Variants in KSR2 observed in about 807,000 individuals in gnomAD.
The protein encoded by KSR2 is kinase suppressor of ras 2.
In KSR2, 25 loss-of-function variants were observed where a neutral mutation model predicts 107.8. The ratio of observed to expected loss-of-function variants is 0.23; its 90% CI spans 0.17 to 0.32. The LOEUF (loss-of-function observed/expected upper bound fraction) is 0.32. Ranked by LOEUF, KSR2 falls within the 10% of genes least tolerant of loss-of-function variation. KSR2 has a pLI of 1.00. For synonymous variants in KSR2, 480 were observed against 507.0 expected (o/e 0.95, Z 0.71); for missense variants, 887 against 1,268.9 (o/e 0.70, Z 4.57).
intron 1 of KSR2, 99 bp downstream of exon 1, chr12:117,967,977 G>C: frequency 9.0e-7 from 1 of 1,115,970 alleles, no homozygotes; most frequent in Non-Finnish European, 1.3e-6. Context: ...CCAATAAACA[G>C]AATCAGAGGG....
chr12:117,539,660 T>A, intron 10 of KSR2, 59 bp downstream of exon 10: 699 of 1,117,552 alleles, frequency 6.3e-4, no homozygotes, highest in Middle Eastern at 8.8e-4. Context: ...ACCCACCCCC[T>A]CCCTAATCTC....
At chr12:117,916,262 G>A (rs2137444506) in intron 1 of KSR2, among the ~76,000 whole-genome samples, 1 of 149,192 alleles carries the variant, frequency 6.7e-6, no homozygotes, top group Non-Finnish European at 1.5e-5. Flanking sequence ...TCAGCCTCTT[G>A]AGTAGCCGGG....
At chr12:117,761,696 A>G (rs1026839551) in intron 3 of KSR2, among the ~76,000 whole-genome samples, 172 bp from the exon 4 acceptor site, 2 of 152,156 alleles carry the variant, frequency 1.3e-5, no homozygotes, top group African/African-American at 4.8e-5. Flanking sequence ...TATGCAAATT[A>G]TATCTTATGC....
chr12:117,855,435 G>A lies in KSR2; in HGVS notation c.465C>T (p.His155=), dbSNP rs375104414. ...NASLSCLRNV[H]MSGGNLSKQD... Reference sequence around the variant, plus strand: ...ACCCCGGGGCCTGCTCACCTGACATGTGGACATTCCTGAGGCAGGAGAGGG... The same window carrying A: ...ACCCCGGGGCCTGCTCACCTGACATATGGACATTCCTGAGGCAGGAGAGGG... Residue 155 remains histidine, a synonymous_variant, in exon 3 of 20, where the codon CAC becomes CAT. Coordinates refer to ENST00000339824, the MANE Select transcript of KSR2 (RefSeq NM_173598.6). 612 of 1,614,072 alleles carry A rather than the reference G, an allele frequency of 3.8e-4. 9 individuals carry two copies. The African/African-American group carries it at 7.4e-3, about 19-fold the overall frequency.
intron 14 of KSR2, among the ~76,000 whole-genome samples, chr12:117,500,758 G>T (rs1316456046): frequency 1.3e-5 from 2 of 152,240 alleles, no homozygotes; most frequent in African/African-American, 4.8e-5. Context: ...CAATGAGGAA[G>T]TAGTGGCTCA....
chr12:117,908,668 G>A (rs1018398725), intron 1 of KSR2, among the ~76,000 whole-genome samples: 2 of 152,114 alleles, frequency 1.3e-5, no homozygotes, highest in African/African-American at 4.8e-5. Context: ...CAAGAAACAC[G>A]CCAACATTCT....
At chr12:117,669,865 C>G (rs971237469) in intron 4 of KSR2, among the ~76,000 whole-genome samples, 3 of 151,512 alleles carry the variant, frequency 2.0e-5, no homozygotes, top group African/African-American at 7.3e-5. Flanking sequence ...GAGACCCTGT[C>G]TCTAAAATAA....
intron 9 of KSR2, among the ~76,000 whole-genome samples, chr12:117,548,875 C>T (rs1032803426): frequency 3.3e-5 from 5 of 152,150 alleles, no homozygotes; most frequent in African/African-American, 1.2e-4. Flanking sequence ...TGGATACTGG[C>T]CCCATGGACA....
chr12:117,523,710 T>C (rs1874920760), intron 14 of KSR2, among the ~76,000 whole-genome samples: 1 of 152,224 alleles, frequency 6.6e-6, no homozygotes, highest in Admixed American at 6.5e-5. Context: ...TCTTGGCTCA[T>C]GCTTGTCATC....
intron 16 of KSR2, among the ~76,000 whole-genome samples, chr12:117,478,935 C>T (rs2137128820): frequency 6.6e-6 from 1 of 152,310 alleles, no homozygotes; most frequent in South Asian, 2.1e-4. Flanking sequence ...TTCTAATACA[C>T]ATTAAAATTA....
intron 5 of KSR2, among the ~76,000 whole-genome samples, chr12:117,635,606 T>C (rs1883030430): frequency 6.6e-6 from 1 of 152,004 alleles, no homozygotes; most frequent in Non-Finnish European, 1.5e-5. Flanking sequence ...GAACAGAAAA[T>C]ATAATTTTTT....
intron 12 of KSR2, among the ~76,000 whole-genome samples, chr12:117,529,293 T>G (rs1178244648): frequency 6.6e-6 from 1 of 152,190 alleles, no homozygotes; most frequent in Non-Finnish European, 1.5e-5. Flanking sequence ...CCCACCTCAC[T>G]GAACCTCCAC....
intron 5 of KSR2, among the ~76,000 whole-genome samples, chr12:117,618,689 C>A (rs1593057597): frequency 6.6e-6 from 1 of 152,068 alleles, no homozygotes; most frequent in South Asian, 2.1e-4. Context: ...AAGGGAAAAC[C>A]CCTTTCATTT....
At chr12:117,506,072 A>G (rs1873660021) in intron 14 of KSR2, among the ~76,000 whole-genome samples, 1 of 152,218 alleles carries the variant, frequency 6.6e-6, no homozygotes, top group Non-Finnish European at 1.5e-5. Context: ...TGTTTGATGA[A>G]TGACTGGACA....
intron 1 of KSR2, among the ~76,000 whole-genome samples, chr12:117,875,445 T>TG (rs1235449637): frequency 2.0e-5 from 3 of 151,524 alleles, no homozygotes; most frequent in African/African-American, 7.3e-5. Flanking sequence ...CCATCCCTGG[T>TG]GTAAACCTCG....
intron 5 of KSR2, among the ~76,000 whole-genome samples, chr12:117,627,519 A>G (rs1213681327): frequency 2.6e-5 from 4 of 152,214 alleles, no homozygotes; most frequent in Non-Finnish European, 5.9e-5. Flanking sequence ...AAGAATGTTG[A>G]ACATTGGCCC....
intron 1 of KSR2, among the ~76,000 whole-genome samples, chr12:117,891,562 A>T (rs1894342463): frequency 6.6e-6 from 1 of 152,102 alleles, no homozygotes; most frequent in Non-Finnish European, 1.5e-5. Context: ...ACAGAATGAG[A>T]CTCCATTTCT....
intron 1 of KSR2, among the ~76,000 whole-genome samples, chr12:117,878,442 A>T (rs1893932870): frequency 6.6e-6 from 1 of 152,112 alleles, no homozygotes; most frequent in Non-Finnish European, 1.5e-5. Context: ...GAACAATGGG[A>T]CCTCCTGCAA....
chr12:117,502,625 T>A (rs1225292817), intron 14 of KSR2, among the ~76,000 whole-genome samples: 1 of 152,154 alleles, frequency 6.6e-6, no homozygotes, highest in Non-Finnish European at 1.5e-5. Context: ...TACTAAAAAC[T>A]ATTGACACTG....
Sources: gnomAD v4.1 joint callset for allele counts (sites outside exome capture counted in the v4.1 genomes callset) on GRCh38, gnomAD v4.1.1 for gene constraint, MANE v1.5 for transcripts, NCBI Gene and HGNC (gene_info 2026-07-23, HGNC 2026-07-21) for gene names.